The following ACTR1B variants were observed in gnomAD, a reference collection of about 807,000 sequenced individuals.
ACTR1B encodes beta-centractin.
A neutral mutation model predicts 49.4 loss-of-function variants in ACTR1B; 34 were observed. The observed-to-expected ratio is 0.69, with a 90% confidence interval of 0.52 to 0.92. The LOEUF is 0.92. Ranked by LOEUF, ACTR1B falls within the 40% of genes least tolerant of loss-of-function variation. ACTR1B has a pLI of 0.00. For synonymous variants in ACTR1B, 207 were observed against 207.8 expected (o/e 1.00, Z 0.03); for missense variants, 471 against 522.4 (o/e 0.90, Z 0.96).
At chr2:97,661,732 G>A in intron 2 of ACTR1B, 150 bp downstream of exon 2, 2 of 715,094 alleles carry the variant, frequency 2.8e-6, no homozygotes, top group Admixed American at 5.0e-5. Flanking sequence ...TGTTCTTTCA[G>A]TGCTCTCTCA....
Position 97,658,780 on chromosome 2 carries a change from A to G in ACTR1B, c.440+99T>C. 2 of 1,589,788 alleles carry G rather than the reference A, an allele frequency of 1.3e-6. No individual in the cohort carries two copies. Among genetic ancestry groups the G allele is most frequent in the Non-Finnish European group, 1.7e-6 (2 of 1,160,394 alleles). ...GGGACTCCCTAGAGGAACAGTCATCAAGGGGCTGTTTTTCCAGGGAAGTCA... is the reference window on the plus strand; with the variant it reads ...GGGACTCCCTAGAGGAACAGTCATCGAGGGGCTGTTTTTCCAGGGAAGTCA... On this transcript the variant is annotated intron_variant, in intron 5 of 10. Coordinates refer to ENST00000289228, the MANE Select transcript of ACTR1B (RefSeq NM_005735.4). The surrounding 1 kb of genome is among the most constrained non-coding windows in gnomAD (Gnocchi z 5.9).
At position 97,659,306 on chromosome 2, in the gene ACTR1B, C is replaced by T. The variant is rs201612452; in HGVS notation, c.315+46G>A. The T allele has an allele frequency of 4.3e-6, 7 of 1,612,092 alleles. No homozygotes were observed. Among genetic ancestry groups the T allele is most frequent in the African/African-American group, 1.3e-5 (1 of 75,038 alleles). On this transcript the variant is annotated intron_variant, in intron 4 of 10. Transcript: ENST00000289228. This position sits in a 1 kb window ranked among gnomAD's most constrained non-coding sequence, Gnocchi z 4.0. The stretch of plus-strand genomic sequence containing the variant: ...CGAGGAGGGACGCAGAGGAGAGGGG[C>T]ATGGCCAGGAGAATGCAGAGCATGC...
Position 97,659,095 on chromosome 2 carries a change from A to G in ACTR1B, c.316-92T>C. ...CAGAGAACCACACCCGCTGGCGCAC[A>G]GGCAGCTCAGCCTCCTACCCCTCCT... On this transcript the variant is annotated intron_variant, in intron 4 of 10. Coordinates refer to ENST00000289228, the MANE Select transcript of ACTR1B (RefSeq NM_005735.4). The surrounding 1 kb of genome is among the most constrained non-coding windows in gnomAD (Gnocchi z 4.0). The G allele has an allele frequency of 6.3e-7, 1 of 1,580,628 alleles. No individual in the cohort carries two copies. The highest frequency in any genetic ancestry group is 1.1e-5 in the South Asian group (1 of 87,550).
chr2:97,661,858 G>GGCT lies in ACTR1B; in HGVS notation c.113+21_113+23dup, dbSNP rs1248898050. 2.5e-6 allele frequency: 4 copies of GGCT among 1,573,104 alleles called. No homozygotes were observed. The African/African-American group carries it at 5.4e-5, about 21-fold the overall frequency. On this transcript the variant is annotated intron_variant, in intron 2 of 10. Coordinates refer to ENST00000289228, the MANE Select transcript of ACTR1B (RefSeq NM_005735.4). ...TACAGAAGGTAAACAAAAGGACTAA[G>GGCT]GCTGCTGCCTGAGCCACACTTACTA...
At position 97,658,604 on chromosome 2, in the gene ACTR1B, T is replaced by G. The variant is rs546130794; in HGVS notation, c.480A>C (p.Ser160=). The change falls in exon 6 of 11, where the codon TCA becomes TCC. Residue 160 remains serine (S), a synonymous_variant. Transcript: ENST00000289228. This position sits in a 1 kb window ranked among gnomAD's most constrained non-coding sequence, Gnocchi z 5.9. ...GCACAGCATGAGTGACCCCGTCCCC[T>G]GAGTCTAGAACCACTCCTGTCGTGC... is the stretch of plus-strand genomic sequence containing the variant. ...TGRTTGVVLD[S]GDGVTHAVPI... is the part of the protein sequence containing the mutation. 1.9e-6 allele frequency: 3 copies of G among 1,613,646 alleles called. No homozygotes were observed. Among genetic ancestry groups the G allele is most frequent in the Middle Eastern group, 1.6e-4 (1 of 6,062 alleles).
At position 97,662,048 on chromosome 2, in the gene ACTR1B, G is replaced by A. The variant is rs143616743; in HGVS notation, c.49-102C>T. ...CTGCCCCGTCAAGGCAGGCCAAGGA[G>A]GAAGCCAGGGACCCTGCCAGGATCA... On this transcript the variant is annotated intron_variant, in intron 1 of 10. Transcript: ENST00000289228. The A allele has an allele frequency of 8.4e-4, 974 of 1,165,738 alleles. 6 individuals are homozygous for A. In the African/African-American group the frequency reaches 0.012, roughly 15 times the overall value. The allele number at this position is 1,165,738 out of a possible 1,614,324, so 72.2% of individuals were successfully genotyped here.
In ACTR1B at chr2:97,658,411, T is replaced by C; in HGVS notation, c.657+16A>G. On this transcript the variant is annotated intron_variant, in intron 6 of 10. Coordinates refer to ENST00000289228, the MANE Select transcript of ACTR1B (RefSeq NM_005735.4). The surrounding 1 kb of genome is among the most constrained non-coding windows in gnomAD (Gnocchi z 5.9). The stretch of plus-strand genomic sequence containing the variant: ...CTCACCCCAGGTCGTGTCCACACCC[T>C]CTCGCCCCTTGTCACCTCTTTGATT... The C allele has an allele frequency of 6.2e-7, 1 of 1,613,864 alleles. No homozygotes were observed. Among genetic ancestry groups the C allele is most frequent in the East Asian group, 2.2e-5 (1 of 44,866 alleles).
In ACTR1B at chr2:97,663,876, G is replaced by C; in HGVS notation, c.15C>G (p.Asp5Glu). Residue 5 changes from aspartate to glutamate, a missense_variant, in exon 1 of 11, where the codon GAC becomes GAG. Transcript: ENST00000289228. Reference protein sequence around the residue: MESYDIIANQPVVID... With the variant: MESYEIIANQPVVID... ...TGACCACAGGCTGGTTGGCGATGAT[G>C]TCGTAGGACTCCATGGCCGGGCCGC... 7.0e-7 allele frequency: 1 copy of C among 1,425,740 alleles called. No homozygotes were observed. The highest frequency in any genetic ancestry group is 9.3e-7 in the Non-Finnish European group (1 of 1,076,102). 88.3% of individuals were successfully genotyped at this position (1,425,740 alleles called of 1,614,324 possible).
chr2:97,660,092 A>T (rs1674971521), intron 3 of ACTR1B, among the ~76,000 whole-genome samples: 1 of 151,910 alleles, frequency 6.6e-6, no homozygotes, highest in Admixed American at 6.6e-5. Context: ...CTGGGCCCAG[A>T]ACCACGCATG....
chr2:97,659,506 C>A lies in ACTR1B; in HGVS notation c.190-29G>T. On this transcript the variant is annotated intron_variant, in intron 3 of 10. Transcript: ENST00000289228. The surrounding 1 kb of genome is among the most constrained non-coding windows in gnomAD (Gnocchi z 4.0). ...GTGGGGTGGGAAGGGAGGTGTGGCACCCGGCCCTTGCTCAGCGGCTGCTTT... is the reference window on the plus strand; with the variant it reads ...GTGGGGTGGGAAGGGAGGTGTGGCAACCGGCCCTTGCTCAGCGGCTGCTTT... 1.2e-6 allele frequency: 2 copies of A among 1,610,860 alleles called. No homozygotes were observed. The highest frequency in any genetic ancestry group is 1.7e-6 in the Non-Finnish European group (2 of 1,179,634).
In ACTR1B at chr2:97,659,476, T is replaced by C; in HGVS notation, c.191A>G (p.Glu64Gly). ...GDLFIGPKAEEHRGLLTIRYP... is the reference protein window; with the variant it reads ...GDLFIGPKAEGHRGLLTIRYP... ...GCGGATGGTCAGCAGCCCCCGGTGC[T>C]CCTGGTGGGGTGGGAAGGGAGGTGT... The change falls in exon 4 of 11, where the codon GAG (glutamate) becomes GGG (glycine). Residue 64 changes from glutamate to glycine, a missense_variant and splice_region_variant. By Grantham distance (98) the Glu-to-Gly change is moderately conservative (BLOSUM62 -2). Coordinates refer to ENST00000289228, the MANE Select transcript of ACTR1B (RefSeq NM_005735.4). This position sits in a 1 kb window ranked among gnomAD's most constrained non-coding sequence, Gnocchi z 4.0. The C allele has an allele frequency of 6.2e-7, 1 of 1,613,386 alleles. No homozygotes were observed. Among genetic ancestry groups the C allele is most frequent in the Non-Finnish European group, 8.5e-7 (1 of 1,179,906 alleles).
chr2:97,656,615 T>A lies in ACTR1B; in HGVS notation c.*243A>T. On this transcript the variant is annotated 3_prime_UTR_variant, in exon 11 of 11. Coordinates refer to ENST00000289228, the MANE Select transcript of ACTR1B (RefSeq NM_005735.4). ...TGCCAGGGGGATACCCACAACAGCC[T>A]GACATGGCGCTCAATTCCCACACGC... 6.0e-6 allele frequency: 3 copies of A among 497,496 alleles called. No individual in the cohort carries two copies. Among genetic ancestry groups the A allele is most frequent in the Non-Finnish European group, 7.3e-6 (2 of 275,814 alleles). The allele number at this position is 497,496 out of a possible 1,614,324, so 30.8% of individuals were successfully genotyped here. A position where few individuals can be genotyped will look rare whatever the true frequency, so the allele number is the denominator to read the frequency against.
chr2:97,658,973 T>C lies in ACTR1B; in HGVS notation c.346A>G (p.Asn116Asp). 6.2e-6 allele frequency: 10 copies of C among 1,614,116 alleles called. No homozygotes were observed. The highest frequency in any genetic ancestry group is 7.6e-6 in the Non-Finnish European group (9 of 1,180,022). Residue 116 changes from asparagine (N) to aspartate (D), a missense_variant, in exon 5 of 11, where the codon AAC (asparagine) becomes GAC (aspartate). Coordinates refer to ENST00000289228, the MANE Select transcript of ACTR1B (RefSeq NM_005735.4). The surrounding 1 kb of genome is among the most constrained non-coding windows in gnomAD (Gnocchi z 5.9). ...GCCTTCTCCCGGTTCTTACTCGGGT[T>C]GAGCGGGGCCTCCGTGAGGAGCACA... is the stretch of plus-strand genomic sequence containing the variant. ...HPVLLTEAPL[N>D]PSKNREKAAE...
In ACTR1B at chr2:97,658,620, C is replaced by A; in HGVS notation, c.464G>T (p.Gly155Val). The change falls in exon 6 of 11, where the codon GGA becomes GTA. Residue 155 changes from glycine (G) to valine (V), a missense_variant. By Grantham distance (109) the Gly-to-Val change is moderately radical. Coordinates refer to ENST00000289228, the MANE Select transcript of ACTR1B (RefSeq NM_005735.4). The surrounding 1 kb of genome is among the most constrained non-coding windows in gnomAD (Gnocchi z 5.9). ...CCCGTCCCCTGAGTCTAGAACCACT[C>A]CTGTCGTGCGTCCTGTTGCGTACCT... The part of the protein sequence containing the change: ...LSLYATGRTT[G>V]VVLDSGDGVT... The A allele has an allele frequency of 6.2e-7, 1 of 1,614,022 alleles. No homozygotes were observed. The highest frequency in any genetic ancestry group is 8.5e-7 in the Non-Finnish European group (1 of 1,180,014).
rs1209867751 is a variant in ACTR1B at position 97,664,027 on chromosome 2, A to C, written c.-137T>G. On this transcript the variant is annotated 5_prime_UTR_variant, in exon 1 of 11. Coordinates refer to ENST00000289228, the MANE Select transcript of ACTR1B (RefSeq NM_005735.4). Reference sequence around the variant, plus strand: ...CCTCCCCGAGCCTGCAGCCTACGCGAGCCCCGCGGGGCTTTCTGGAGGGCG... The same window carrying C: ...CCTCCCCGAGCCTGCAGCCTACGCGCGCCCCGCGGGGCTTTCTGGAGGGCG... 2.5e-6 allele frequency: 1 copy of C among 403,926 alleles called. No individual in the cohort carries two copies. The highest frequency in any genetic ancestry group is 2.2e-5 in the African/African-American group (1 of 46,262). 25.0% of individuals were successfully genotyped at this position (403,926 alleles called of 1,614,324 possible). A position where few individuals can be genotyped will look rare whatever the true frequency, so the allele number is the denominator to read the frequency against.
intron 3 of ACTR1B, 144 bp downstream of exon 3, chr2:97,660,427 G>A: frequency 1.3e-6 from 1 of 746,166 alleles, no homozygotes; most frequent in South Asian, 1.7e-5. Flanking sequence ...CCCCATCTCA[G>A]GGGGAGGTGC....
chr2:97,661,328 T>G (rs954146713), intron 2 of ACTR1B, among the ~76,000 whole-genome samples: 1 of 152,202 alleles, frequency 6.6e-6, no homozygotes, highest in African/African-American at 2.4e-5. Context: ...CTCCAGGATT[T>G]GTGAAGAGGT....
In ACTR1B at chr2:97,663,880, T is replaced by C. The variant is rs1454160123; in HGVS notation, c.11A>G (p.Tyr4Cys). The C allele has an allele frequency of 7.1e-7, 1 of 1,415,542 alleles. No individual in the cohort carries two copies. The highest frequency in any genetic ancestry group is 3.2e-5 in the East Asian group (1 of 30,952). 87.7% of individuals were successfully genotyped at this position (1,415,542 alleles called of 1,614,324 possible). Residue 4 changes from tyrosine (Y) to cysteine (C), a missense_variant, in exon 1 of 11, where the codon TAC becomes TGC. By Grantham distance (194) the Tyr-to-Cys change is radical. Coordinates refer to ENST00000289228, the MANE Select transcript of ACTR1B (RefSeq NM_005735.4). ...CACAGGCTGGTTGGCGATGATGTCG[T>C]AGGACTCCATGGCCGGGCCGCGCCG... is the stretch of plus-strand genomic sequence containing the variant. MES[Y>C]DIIANQPVVI... is the part of the protein sequence containing the mutation.
Position 97,659,674 on chromosome 2 carries a change from G to T in ACTR1B, c.190-197C>A. 1 of 707,432 alleles carries T rather than the reference G, an allele frequency of 1.4e-6. No individual in the cohort carries two copies. The highest frequency in any genetic ancestry group is 2.3e-6 in the Non-Finnish European group (1 of 434,268). 43.8% of individuals were successfully genotyped at this position (707,432 alleles called of 1,614,324 possible). ...GGCTCACCTGCCCACCAGCTTCTTA[G>T]GCTCTTAGAGCCCAGCTAGCTTCAG... is the stretch of plus-strand genomic sequence containing the variant. On this transcript the variant is annotated intron_variant, in intron 3 of 10. Transcript: ENST00000289228. This position sits in a 1 kb window ranked among gnomAD's most constrained non-coding sequence, Gnocchi z 4.0.
Sources: gnomAD v4.1 joint callset for allele counts (sites outside exome capture counted in the v4.1 genomes callset) on GRCh38, gnomAD v4.1.1 for gene constraint, Gnocchi (gnomAD v3.1) non-coding constraint, MANE v1.5 for transcripts, NCBI Gene and HGNC (gene_info 2026-07-23, HGNC 2026-07-21) for gene names.